OR2AK2: variants seen among roughly 807,000 people sequenced by gnomAD.
OR2AK2 encodes olfactory receptor 2AK2.
For missense variants in OR2AK2, 392 were observed against 384.1 expected (o/e 1.02, Z -0.17); for synonymous variants, 139 against 147.2 (o/e 0.94, Z 0.40).
rs75127345 is a variant in OR2AK2, at chr1:247,965,934, A to G, written c.558A>G (p.Ser186=). 6.2e-4 allele frequency: 1,003 copies of G among 1,610,984 alleles called. 3 individuals are homozygous for G. In the African/African-American group the frequency reaches 0.012, roughly 20 times the overall value. The change falls in exon 1 of 1, where the codon TCA becomes TCG. Residue 186 remains serine (S), a synonymous_variant. Transcript: ENST00000366480. Reference sequence around the variant, plus strand: ...TCTGTGAAGTTCCAGCTCTACTATCATTGGTGTGTCAGGACACCTCCCAGT... The same window carrying G: ...TCTGTGAAGTTCCAGCTCTACTATCGTTGGTGTGTCAGGACACCTCCCAGT...
rs74153215 is a variant in OR2AK2 at position 247,965,423 on chromosome 1, G to A, written c.47G>A (p.Gly16Asp). The A allele has an allele frequency of 1.4e-3, 2,222 of 1,612,996 alleles. 26 individuals are homozygous for A. In the African/African-American group the frequency reaches 0.023, roughly 17 times the overall value. Residue 16 changes from glycine to aspartate, a missense_variant, in exon 1 of 1, where the codon GGT (glycine) becomes GAT (aspartate). Coordinates refer to ENST00000366480, the Ensembl canonical transcript of OR2AK2. ...TTTGGGACAGATTTTCTACTTGTTG[G>A]TCTTTTCCAATATGGCTGGATAAAC...
exon 1 of OR2AK2, chr1:247,965,589 C>T (rs773453807): frequency 6.3e-7 from 1 of 1,589,414 alleles, no homozygotes; most frequent in African/African-American, 1.3e-5. Flanking sequence ...TCGTTGACCT[C>T]ATGTACATCT....
chr1:247,965,809 G>A (rs896255556), exon 1 of OR2AK2: 2 of 1,609,258 alleles, frequency 1.2e-6, no homozygotes, highest in South Asian at 1.1e-5. Context: ...CTGCCTCATG[G>A]TTGCATGTGC....
exon 1 of OR2AK2, chr1:247,966,106 C>G: frequency 6.2e-7 from 1 of 1,614,096 alleles, no homozygotes; most frequent in Non-Finnish European, 8.5e-7. Flanking sequence ...TTGTTCCTCC[C>G]ACCTGATTGT....
At position 247,965,503 on chromosome 1, in the gene OR2AK2, AT is replaced by A. The variant is rs1434444942; in HGVS notation, c.128del (p.Ile43ThrfsTer3). The A allele has an allele frequency of 6.2e-7, 1 of 1,613,664 alleles. No homozygotes were observed. Among genetic ancestry groups the A allele is most frequent in the East Asian group, 2.2e-5 (1 of 44,838 alleles). On this transcript the variant is annotated frameshift_variant, in exon 1 of 1. Transcript: ENST00000366480. LOFTEE classifies it low-confidence loss of function (END_TRUNC). ...CTTTACAGTTGCTCTGACAGGAAAT[AT>A]CATGCTGATCCACCTCATTCGACTG...
At chr1:247,965,891 G>A (rs536362005) in exon 1 of OR2AK2, 15 of 1,613,326 alleles carry the variant, frequency 9.3e-6, no homozygotes, top group South Asian at 3.3e-5. Flanking sequence ...TGTAGGTCTC[G>A]GCTCATTAAC....
At chr1:247,965,856 A>T (rs765497409) in exon 1 of OR2AK2, 5 of 1,613,630 alleles carry the variant, frequency 3.1e-6, no homozygotes, top group Non-Finnish European at 4.2e-6. Context: ...TCATACATAC[A>T]TTGTATGTGT....
At chr1:247,965,552 T>G (rs1265135692) in exon 1 of OR2AK2, 1 of 1,610,292 alleles carries the variant, frequency 6.2e-7, no homozygotes, top group Non-Finnish European at 8.5e-7. Context: ...CACACTCCAA[T>G]GTACTTTCTG....
rs565499228 is a variant in OR2AK2 at position 247,965,877 on chromosome 1, A to G, written c.501A>G (p.Pro167=). The change falls in exon 1 of 1, where the codon CCA becomes CCG. Residue 167 remains proline, a synonymous_variant. Coordinates refer to ENST00000366480, the Ensembl canonical transcript of OR2AK2. ...ATACATTGTATGTGTTTCAGCTTCCATTCTGTAGGTCTCGGCTCATTAACC... is the reference window on the plus strand; with the variant it reads ...ATACATTGTATGTGTTTCAGCTTCCGTTCTGTAGGTCTCGGCTCATTAACC... 52 of 1,613,696 alleles carry G rather than the reference A, an allele frequency of 3.2e-5. 1 individual carries two copies. The Middle Eastern group carries it at 4.9e-4, about 15-fold the overall frequency.
exon 1 of OR2AK2, chr1:247,966,247 A>G (rs747869707): frequency 6.2e-7 from 1 of 1,613,120 alleles, no homozygotes; most frequent in African/African-American, 1.3e-5. Flanking sequence ...ATTTATCTAC[A>G]GCCTGAGAAA....
chr1:247,966,235 C>A (rs1447192220), exon 1 of OR2AK2: 1 of 1,613,234 alleles, frequency 6.2e-7, no homozygotes, highest in Non-Finnish European at 8.5e-7. Context: ...TCTACTGAAC[C>A]CATTTATCTA....
rs757739118 is a variant in OR2AK2 at position 247,966,325 on chromosome 1, A to T, written c.949A>T (p.Arg317Ter). 4.3e-6 allele frequency: 7 copies of T among 1,612,354 alleles called. No individual in the cohort carries two copies. Among genetic ancestry groups the T allele is most frequent in the Non-Finnish European group, 5.1e-6 (6 of 1,179,332 alleles). Residue 317 changes from arginine to a stop codon, truncating the protein, a stop_gained, in exon 1 of 1, where the codon AGA (arginine) becomes TGA (stop). Transcript: ENST00000366480. LOFTEE classifies it low-confidence loss of function (END_TRUNC). ...GATATGCTGTAGAAAATATGACTTC[A>T]GATCTCTGTATTGATTGAGCATTAA...
At chr1:247,966,068 G>A (rs764756091) in exon 1 of OR2AK2, 2 of 1,614,150 alleles carry the variant, frequency 1.2e-6, no homozygotes, top group South Asian at 2.2e-5. Context: ...ATGAGCTCAG[G>A]AAAAGGACAG....
exon 1 of OR2AK2, chr1:247,965,614 A>C: frequency 6.4e-7 from 1 of 1,560,430 alleles, no homozygotes. Context: ...CACAGTGCCC[A>C]AGATGGCAGT....
chr1:247,966,115 G>C (rs1289308181), exon 1 of OR2AK2: 2 of 1,609,726 alleles, frequency 1.2e-6, no homozygotes. Flanking sequence ...CCACCTGATT[G>C]TGGCAAGCCT....
At position 247,965,251 on chromosome 1, in the gene OR2AK2, A is replaced by G. The variant is rs1660938821; in HGVS notation, c.-126A>G. ...CACTTTGTGCTCTAAACATGTAGAT[A>G]GTTGCCAAACATGTAAGTGAATATT... On this transcript the variant is annotated 5_prime_UTR_variant, in exon 1 of 1. It adds an upstream start codon to the 5' untranslated region. Coordinates refer to ENST00000366480, the Ensembl canonical transcript of OR2AK2. 5 of 1,151,216 alleles carry G rather than the reference A, an allele frequency of 4.3e-6. No individual in the cohort carries two copies. Among genetic ancestry groups the G allele is most frequent in the Non-Finnish European group, 4.8e-6 (4 of 834,602 alleles). 71.3% of individuals were successfully genotyped at this position (1,151,216 alleles called of 1,614,324 possible).
At chr1:247,966,241 A>G in exon 1 of OR2AK2, 1 of 1,613,224 alleles carries the variant, frequency 6.2e-7, no homozygotes, top group Non-Finnish European at 8.5e-7. Flanking sequence ...GAACCCATTT[A>G]TCTACAGCCT....
exon 1 of OR2AK2, chr1:247,965,440 T>C (rs1375556879): frequency 6.2e-7 from 1 of 1,613,724 alleles, no homozygotes; most frequent in East Asian, 2.2e-5. Context: ...CCAATATGGC[T>C]GGATAAACTC....
At chr1:247,966,104 C>G in exon 1 of OR2AK2, 1 of 1,614,080 alleles carries the variant, frequency 6.2e-7, no homozygotes, top group Admixed American at 1.7e-5. Context: ...ACTTGTTCCT[C>G]CCACCTGATT....
Sources: gnomAD v4.1 joint callset for allele counts on GRCh38, gnomAD v4.1.1 for gene constraint, MANE v1.5 for transcripts, NCBI Gene and HGNC (gene_info 2026-07-23, HGNC 2026-07-21) for gene names.